RAD21: variants seen among roughly 807,000 people sequenced by gnomAD.
RAD21 encodes RAD21 cohesin complex component, also known as double-strand-break repair protein rad21 homolog.
In RAD21, 18 loss-of-function variants were observed where a neutral mutation model predicts 71.5. That is an observed-to-expected ratio of 0.25 (90% CI 0.17 to 0.37). The LOEUF (loss-of-function observed/expected upper bound fraction) is 0.37, where lower values mean the gene tolerates loss of function less well. Among genes scored for constraint, RAD21 ranks in the 10% least tolerant of loss-of-function variants. The probability of loss-of-function intolerance (pLI) is 1.00; values close to 1 mark genes in which losing one functional copy is unlikely to be tolerated. For synonymous variants in RAD21, 248 were observed against 254.0 expected, an observed-to-expected ratio of 0.98 and a Z score of 0.22; for missense variants, 493 against 769.1, an observed-to-expected ratio of 0.64 and a Z score of 4.25.
At chr8:116,851,784 A>C in intron 11 of RAD21, 164 bp downstream of exon 11, 1 of 584,880 alleles carries the variant, frequency 1.7e-6, no homozygotes, top group Non-Finnish European at 2.8e-6. Context: ...ATATTCTCTC[A>C]CTCCGAGTGG....
At chr8:116,858,518 C>T in intron 4 of RAD21, 60 bp from the exon 5 acceptor site, 4 of 1,341,098 alleles carry the variant, frequency 3.0e-6, no homozygotes, top group Non-Finnish European at 4.2e-6. Flanking sequence ...AAACAAATCC[C>T]AATTCTCTCT....
chr8:116,859,281 C>T (rs1488972297), intron 4 of RAD21, among the ~76,000 whole-genome samples: 3 of 152,086 alleles, frequency 2.0e-5, no homozygotes, highest in African/African-American at 7.2e-5. Context: ...TGCCATTTTC[C>T]AACAGCACAA....
At chr8:116,850,850 A>C in intron 11 of RAD21, 83 bp from the exon 12 acceptor site, 2 of 948,218 alleles carry the variant, frequency 2.1e-6, no homozygotes, top group Middle Eastern at 3.0e-4. Flanking sequence ...CAGTGGCTGA[A>C]GTTTTCTAGT....
At chr8:116,848,388 T>C (rs1812286673) in intron 13 of RAD21, among the ~76,000 whole-genome samples, 1 of 152,210 alleles carries the variant, frequency 6.6e-6, no homozygotes, top group African/African-American at 2.4e-5. Context: ...GCTAATGTAA[T>C]ATAGTAGTAA....
In RAD21 at chr8:116,866,649, T is replaced by G. The variant is rs1348013826; in HGVS notation, c.81A>C (p.Leu27=). 7 of 1,613,438 alleles carry G rather than the reference T, an allele frequency of 4.3e-6. No homozygotes were observed. Among genetic ancestry groups the G allele is most frequent in the Non-Finnish European group, 5.9e-6 (7 of 1,179,746 alleles). ...TACACTCGAACACATGGGCTTTGGT[T>G]AGCTTCTTATCCCAATGGGCCGCTA... ...IWLAAHWDKK[L]TKAHVFECNL... The change falls in exon 2 of 14, where the codon CTA becomes CTC. Residue 27 remains leucine (L), a synonymous_variant. Transcript: ENST00000297338.
chr8:116,864,685 G>GA (rs1007395528), intron 2 of RAD21, among the ~76,000 whole-genome samples: 5 of 151,538 alleles, frequency 3.3e-5, no homozygotes, highest in Non-Finnish European at 7.4e-5. Context: ...ACAAAGGAGG[G>GA]AAAAAAAACC....
intron 2 of RAD21, among the ~76,000 whole-genome samples, chr8:116,866,221 T>A (rs892815542): frequency 1.3e-5 from 2 of 150,714 alleles, no homozygotes; most frequent in South Asian, 2.1e-4. Context: ...CTTATTATAC[T>A]AAGTAATACG....
intron 1 of RAD21, among the ~76,000 whole-genome samples, chr8:116,873,751 T>C (rs898858788): frequency 6.6e-6 from 1 of 151,982 alleles, no homozygotes; most frequent in Non-Finnish European, 1.5e-5. Flanking sequence ...AACCCGACAG[T>C]GTCACCCCAC....
At chr8:116,854,523 A>T (rs1187074680) in intron 8 of RAD21, 55 bp from the exon 9 acceptor site, 1 of 1,341,466 alleles carries the variant, frequency 7.5e-7, no homozygotes, top group Non-Finnish European at 1.1e-6. Context: ...CATGGAACAC[A>T]CAGCTACAAG....
At chr8:116,871,301 G>C (rs1346307760) in intron 1 of RAD21, among the ~76,000 whole-genome samples, 1 of 152,058 alleles carries the variant, frequency 6.6e-6, no homozygotes, top group Non-Finnish European at 1.5e-5. Context: ...TTTGATACCA[G>C]AGCACAACTT....
rs191359611 is a variant in RAD21, at chr8:116,848,790, C to T, written c.1704+156G>A. On this transcript the variant is annotated intron_variant, in intron 13 of 13. Transcript: ENST00000297338. Reference sequence around the variant, plus strand: ...AAAAAAAAAGAAAAGAAAACTCTCCCTCCAGAAAAAATAAATAAATAAATA... The same window carrying T: ...AAAAAAAAAGAAAAGAAAACTCTCCTTCCAGAAAAAATAAATAAATAAATA... The T allele has an allele frequency of 8.7e-6, 4 of 458,986 alleles. No homozygotes were observed. In the East Asian group the frequency reaches 1.4e-4, roughly 16 times the overall value. 28.4% of individuals were successfully genotyped at this position (458,986 alleles called of 1,614,324 possible).
intron 4 of RAD21, 81 bp from the exon 5 acceptor site, chr8:116,858,539 T>A: frequency 8.8e-7 from 1 of 1,137,372 alleles, no homozygotes; most frequent in South Asian, 1.4e-5. Flanking sequence ...ATAAGAAAAA[T>A]TAAAAAAATA....
intron 3 of RAD21, 42 bp from the exon 4 acceptor site, chr8:116,861,982 A>C: frequency 6.9e-7 from 1 of 1,453,010 alleles, no homozygotes; most frequent in African/African-American, 1.4e-5. Context: ...GCTACCCATA[A>C]ATTATCTAGG....
chr8:116,862,145 T>C (rs1388638431), intron 3 of RAD21, among the ~76,000 whole-genome samples: 1 of 152,132 alleles, frequency 6.6e-6, no homozygotes, highest in Non-Finnish European at 1.5e-5. Flanking sequence ...AAAGCACTAA[T>C]TATGCATTAA....
At chr8:116,853,709 T>C (rs1325067067) in intron 9 of RAD21, among the ~76,000 whole-genome samples, 1 of 152,188 alleles carries the variant, frequency 6.6e-6, no homozygotes, top group Non-Finnish European at 1.5e-5. Flanking sequence ...ATAGGTTCTG[T>C]GCATATCTCA....
chr8:116,856,682 C>A lies in RAD21; in HGVS notation c.778G>T (p.Ala260Ser), dbSNP rs1812475850. 1 of 1,595,788 alleles carries A rather than the reference C, an allele frequency of 6.3e-7. No individual in the cohort carries two copies. Among genetic ancestry groups the A allele is most frequent in the Admixed American group, 1.7e-5 (1 of 57,646 alleles). Residue 260 changes from alanine (A) to serine (S), a missense_variant, in exon 7 of 14, where the codon GCA (alanine) becomes TCA (serine). Physicochemically the swap from Ala to Ser is moderately conservative, Grantham distance 99. Transcript: ENST00000297338. ...TCATCCTCATCCATATCGTCATGTG[C>A]AGGCTGCTCTGGCAACATCACCCCT... ...EAGVMLPEQP[A>S]HDDMDEDDNV...
At position 116,856,701 on chromosome 8, in the gene RAD21, C is replaced by G. The variant is rs769218355; in HGVS notation, c.759G>C (p.Val253=). ...CATGTGCAGGCTGCTCTGGCAACAT[C>G]ACCCCTGCCTCAGAGAGGGCAGGGG... The part of the protein sequence containing the change: ...DDPPALSEAG[V]MLPEQPAHDD... Residue 253 remains valine (V), a synonymous_variant, in exon 7 of 14, where the codon GTG becomes GTC. Transcript: ENST00000297338. 17 of 1,593,940 alleles carry G rather than the reference C, an allele frequency of 1.1e-5. No individual in the cohort carries two copies. The highest frequency in any genetic ancestry group is 1.4e-5 in the Non-Finnish European group (16 of 1,169,550).
At chr8:116,867,201 T>C (rs1482336089) in intron 1 of RAD21, among the ~76,000 whole-genome samples, 1 of 152,186 alleles carries the variant, frequency 6.6e-6, no homozygotes, top group African/African-American at 2.4e-5. Flanking sequence ...GGATAAATTA[T>C]CTGTAAAATT....
intron 4 of RAD21, among the ~76,000 whole-genome samples, chr8:116,860,480 A>G (rs917815724): frequency 2.6e-5 from 4 of 152,150 alleles, no homozygotes; most frequent in Non-Finnish European, 5.9e-5. Context: ...AGTTACCTCA[A>G]ACTTCAGCAA....
Sources: gnomAD v4.1 joint callset for allele counts (sites outside exome capture counted in the v4.1 genomes callset) on GRCh38, gnomAD v4.1.1 for gene constraint, MANE v1.5 for transcripts, NCBI Gene and HGNC (gene_info 2026-07-23, HGNC 2026-07-21) for gene names.